Variants in ZNF254 observed in about 807,000 individuals in gnomAD.
ZNF254 encodes the protein CTD-2017D11.1.
Under a neutral mutation model 12.4 loss-of-function variants are expected in ZNF254, and 10 were observed. That is an observed-to-expected ratio of 0.80 (90% confidence interval 0.50 to 1.36). The LOEUF (loss-of-function observed/expected upper bound fraction) is 1.36. Ranked by LOEUF, ZNF254 falls within the 40% of genes most tolerant of loss-of-function variation. The pLI is 0.00. For missense variants in ZNF254, 996 were observed against 763.9 expected, an observed-to-expected ratio of 1.30 and a Z score of -3.58; for synonymous variants, 305 against 253.4, an observed-to-expected ratio of 1.20 and a Z score of -1.93.
intron 3 of ZNF254, among the ~76,000 whole-genome samples, chr19:24,118,771 C>T (rs529542120): frequency 5.6e-4 from 85 of 151,292 alleles, no homozygotes; most frequent in African/African-American, 1.9e-3. Flanking sequence ...AAGAAAATGG[C>T]GCCAAGATTA....
intron 1 of ZNF254, chr19:24,098,803 A>G (rs1440629675): frequency 2.0e-5 from 3 of 152,082 alleles, no homozygotes; most frequent in Admixed American, 1.3e-4. Flanking sequence ...AAGACAGGCT[A>G]TTACAGTGAG....
rs1224387190 is a variant in ZNF254, at chr19:24,128,973, T to G, written c.*993T>G. On this transcript the variant is annotated 3_prime_UTR_variant, in exon 4 of 4. Transcript: ENST00000357002. The stretch of plus-strand genomic sequence containing the variant: ...ATGCTGTTTCATCATTGCTGGTGTA[T>G]TCATATGTGAAAGCATGTGACTAAT... The G allele has an allele frequency of 6.6e-6, 1 of 151,782 alleles. No individual in the cohort carries two copies. Among genetic ancestry groups the G allele is most frequent in the Non-Finnish European group, 1.5e-5 (1 of 67,902 alleles). The allele number at this position is 151,782 out of a possible 1,614,324, so 9.4% of individuals were successfully genotyped here. A position where few individuals can be genotyped will look rare whatever the true frequency, so the allele number is the denominator to read the frequency against.
At chr19:24,060,684 A>T (rs1769565881) in intron 2 of ZNF254, among the ~76,000 whole-genome samples, 1 of 152,176 alleles carries the variant, frequency 6.6e-6, no homozygotes, top group Non-Finnish European at 1.5e-5. Flanking sequence ...GCATTATCCC[A>T]GCCCACATGG....
intron 3 of ZNF254, among the ~76,000 whole-genome samples, chr19:24,118,505 T>C (rs1399028985): frequency 6.6e-6 from 1 of 152,190 alleles, no homozygotes; most frequent in Non-Finnish European, 1.5e-5. Flanking sequence ...TTTTTGTTTG[T>C]GTTTTTCGAT....
At chr19:24,117,974 G>A (rs1974216455) in intron 3 of ZNF254, among the ~76,000 whole-genome samples, 1 of 151,712 alleles carries the variant, frequency 6.6e-6, no homozygotes, top group African/African-American at 2.4e-5. Flanking sequence ...TTAGTTATTT[G>A]AAGTACATTT....
rs774137972 is a variant in ZNF254, at chr19:24,126,851, A to G, written c.851A>G (p.His284Arg). 7 of 1,613,508 alleles carry G rather than the reference A, an allele frequency of 4.3e-6. No individual in the cohort carries two copies. The highest frequency in any genetic ancestry group is 1.1e-5 in the South Asian group (1 of 91,036). Residue 284 changes from histidine (H) to arginine (R), a missense_variant, in exon 4 of 4, where the codon CAT (histidine) becomes CGT (arginine). Coordinates refer to ENST00000357002, the MANE Select transcript of ZNF254 (RefSeq NM_203282.4). ...AFNRSSNLTT[H>R]KIIHTGEKPY... The stretch of plus-strand genomic sequence containing the variant: ...AATCGATCCTCAAATCTTACTACAC[A>G]TAAGATAATTCATACTGGAGAGAAA...
intron 1 of ZNF254, 62 bp downstream of exon 1, chr19:24,087,399 C>T: frequency 6.2e-7 from 1 of 1,606,858 alleles, no homozygotes; most frequent in Non-Finnish European, 8.5e-7. Context: ...TGGTGGGAAG[C>T]GGCTGTGGCG....
chr19:24,125,857 GC>G (rs1278131583), intron 3 of ZNF254, among the ~76,000 whole-genome samples: 4 of 152,126 alleles, frequency 2.6e-5, no homozygotes, highest in African/African-American at 9.7e-5. Flanking sequence ...AACCCTAAAA[GC>G]CAGAAATGGC....
intron 3 of ZNF254, among the ~76,000 whole-genome samples, chr19:24,117,528 GTTAT>G (rs1242970414): frequency 2.0e-5 from 3 of 152,312 alleles, no homozygotes; most frequent in Admixed American, 1.3e-4. Flanking sequence ...CTGTTGTGCG[GTTAT>G]TTAAGCCCGT....
intron 2 of ZNF254, among the ~76,000 whole-genome samples, chr19:24,071,798 G>C (rs567424326): frequency 1.3e-5 from 2 of 152,190 alleles, no homozygotes; most frequent in African/African-American, 4.8e-5. Context: ...GCTTCTACAG[G>C]GTTCAGGACG....
chr19:24,042,527 T>C (rs1176818791), intron 1 of ZNF254, among the ~76,000 whole-genome samples: 2 of 152,128 alleles, frequency 1.3e-5, no homozygotes, highest in Non-Finnish European at 2.9e-5. Context: ...GCTTCACTCC[T>C]GAAGCCAGCG....
chr19:24,037,442 TG>T (rs1219202245), intron 1 of ZNF254, among the ~76,000 whole-genome samples: 3 of 152,178 alleles, frequency 2.0e-5, no homozygotes, highest in Non-Finnish European at 4.4e-5. Flanking sequence ...TTTATTTTTA[TG>T]TTTTTTTTGA....
intron 2 of ZNF254, among the ~76,000 whole-genome samples, chr19:24,075,072 G>A (rs1487607548): frequency 6.6e-6 from 1 of 152,278 alleles, no homozygotes; most frequent in East Asian, 1.9e-4. Flanking sequence ...CTTCTGCATG[G>A]ACTCTTTTCA....
intron 2 of ZNF254, among the ~76,000 whole-genome samples, chr19:24,050,994 A>G (rs1970626364): frequency 6.6e-6 from 1 of 151,784 alleles, no homozygotes; most frequent in South Asian, 2.1e-4. Flanking sequence ...GAGCCACTGC[A>G]CCTAGCTTCG....
At chr19:24,124,047 T>A (rs1230246626) in intron 3 of ZNF254, among the ~76,000 whole-genome samples, 5 of 152,074 alleles carry the variant, frequency 3.3e-5, no homozygotes, top group Admixed American at 6.6e-5. Flanking sequence ...GATTCTTGCA[T>A]CTTTGTCTTT....
chr19:24,083,220 C>CA (rs750374525), upstream of ZNF254, among the ~76,000 whole-genome samples: 3 of 151,512 alleles, frequency 2.0e-5, no homozygotes, highest in Admixed American at 6.6e-5. Flanking sequence ...AAAGCAGCTG[C>CA]AAAAAAATAA....
intron 1 of ZNF254, among the ~76,000 whole-genome samples, chr19:24,043,839 A>C (rs1970269084): frequency 6.6e-6 from 1 of 152,174 alleles, no homozygotes; most frequent in African/African-American, 2.4e-5. Flanking sequence ...TGTTTATATC[A>C]ATCTTCTCAG....
chr19:24,072,926 G>C (rs1167856834), intron 2 of ZNF254, among the ~76,000 whole-genome samples: 1 of 152,196 alleles, frequency 6.6e-6, no homozygotes, highest in Non-Finnish European at 1.5e-5. Context: ...AGTTTGGGTT[G>C]TGACATATAC....
chr19:24,123,462 T>C (rs1974622128), intron 3 of ZNF254, among the ~76,000 whole-genome samples: 1 of 152,228 alleles, frequency 6.6e-6, no homozygotes, highest in Non-Finnish European at 1.5e-5. Flanking sequence ...CTTATTAACA[T>C]TCTTTCTTGT....
Sources: allele counts gnomAD v4.1 joint callset (sites outside exome capture counted in the v4.1 genomes callset), GRCh38; gene constraint gnomAD v4.1.1; transcripts MANE v1.5; gene names NCBI Gene and HGNC (gene_info 2026-07-23, HGNC 2026-07-21).